STRA6: variants seen among roughly 807,000 people sequenced by gnomAD.
The protein encoded by STRA6 is signaling receptor and transporter of retinol STRA6.
Under a neutral mutation model 83.6 loss-of-function variants are expected in STRA6, and 48 were observed. The ratio of observed to expected loss-of-function variants is 0.57; its 90% CI spans 0.46 to 0.73. The LOEUF (loss-of-function observed/expected upper bound fraction) is 0.73, where lower values mean the gene tolerates loss of function less well. STRA6 is among the 30% of genes least tolerant of loss of function. STRA6 has a pLI of 0.00. For synonymous variants in STRA6, 353 were observed against 362.3 expected (o/e 0.97, Z 0.29); for missense variants, 760 against 838.8 (o/e 0.91, Z 1.16).
At chr15:74,195,084 T>C in intron 7 of STRA6, 2 of 1,458,370 alleles carry the variant, frequency 1.4e-6, no homozygotes, top group East Asian at 2.5e-5. Flanking sequence ...CTCCTAGACT[T>C]AAAGTTCCTG....
At chr15:74,194,925 C>T in intron 7 of STRA6, 1 of 1,423,930 alleles carries the variant, frequency 7.0e-7, no homozygotes, top group Non-Finnish European at 9.1e-7. Flanking sequence ...CCTGACTTCG[C>T]ACTTGCCGGC....
chr15:74,181,804 G>A (rs531947089), intron 16 of STRA6, among the ~76,000 whole-genome samples: 1 of 152,212 alleles, frequency 6.6e-6, no homozygotes, highest in African/African-American at 2.4e-5. Flanking sequence ...AAGTTCCCCT[G>A]GGAGCCAAGG....
Position 74,189,810 on chromosome 15 carries a change from C to T in STRA6, c.928-533G>A, listed in dbSNP as rs351232. ...TCCTGAGTAGCTGGGACTACAGGCC[C>T]GCGCCACCACCGCCAGCTAATTTTT... On this transcript the variant is annotated intron_variant, in intron 11 of 18. Transcript: ENST00000395105. Among the ~76,000 whole-genome samples, 721 of 151,816 alleles carry T rather than the reference C, an allele frequency of 4.7e-3. 12 individuals carry two copies. The highest frequency in any genetic ancestry group is 0.016 in the African/African-American group (664 of 41,376).
chr15:74,192,902 G>A (rs7177915), intron 8 of STRA6, among the ~76,000 whole-genome samples: 4,353 of 152,286 alleles, frequency 0.029, 190 homozygotes, highest in African/African-American at 0.098. Flanking sequence ...CACTGCAGGT[G>A]TTTTGTGCCG....
intron 16 of STRA6, 130 bp downstream of exon 16, chr15:74,182,031 T>C (rs2073018604): frequency 3.5e-6 from 3 of 851,838 alleles, no homozygotes; most frequent in South Asian, 2.8e-5. Context: ...AGGCAAGCTC[T>C]TTCTACTATC....
intron 4 of STRA6, among the ~76,000 whole-genome samples, chr15:74,196,890 A>G (rs368410875): frequency 7.2e-5 from 11 of 152,232 alleles, no homozygotes; most frequent in African/African-American, 2.7e-4. Context: ...CTGGAGTCAC[A>G]GGGCTGAAGG....
intron 13 of STRA6, among the ~76,000 whole-genome samples, chr15:74,184,448 C>T (rs1360103965): frequency 6.6e-6 from 1 of 152,180 alleles, no homozygotes; most frequent in Non-Finnish European, 1.5e-5. Context: ...CTCGGGCTGC[C>T]CCTTCCACCT....
In STRA6 at chr15:74,188,987, A is replaced by G; in HGVS notation, c.1090+128T>C. The G allele has an allele frequency of 8.6e-7, 1 of 1,168,678 alleles. No individual in the cohort carries two copies. Among genetic ancestry groups the G allele is most frequent in the Non-Finnish European group, 1.2e-6 (1 of 820,646 alleles). 72.4% of individuals were successfully genotyped at this position (1,168,678 alleles called of 1,614,324 possible). A position where few individuals can be genotyped will look rare whatever the true frequency, so the allele number is the denominator to read the frequency against. On this transcript the variant is annotated intron_variant, in intron 12 of 18. Transcript: ENST00000395105. The surrounding 1 kb of genome is among the most constrained non-coding windows in gnomAD (Gnocchi z 4.5). Reference sequence around the variant, plus strand: ...CCACAATTTGGAGATGAGGCAATCGAGACCCAGAGAGAGGAAGGAATGTGT... The same window carrying G: ...CCACAATTTGGAGATGAGGCAATCGGGACCCAGAGAGAGGAAGGAATGTGT...
chr15:74,194,053 C>A, intron 7 of STRA6, 131 bp from the exon 8 acceptor site: 1 of 1,448,690 alleles, frequency 6.9e-7, no homozygotes. Flanking sequence ...GGCTTCAGCT[C>A]TATGGTTCCC....
chr15:74,189,914 A>C (rs77640223), intron 11 of STRA6, among the ~76,000 whole-genome samples: 1 of 152,158 alleles, frequency 6.6e-6, no homozygotes, highest in Non-Finnish European at 1.5e-5. Flanking sequence ...CGCCCGCCTC[A>C]GCCTCCCAAA....
intron 13 of STRA6, 70 bp downstream of exon 13, chr15:74,184,910 C>T: frequency 1.3e-6 from 2 of 1,488,142 alleles, no homozygotes; most frequent in Non-Finnish European, 1.9e-6. Context: ...CCCAGGGCCT[C>T]CCCGCAGGCC....
At chr15:74,187,664 G>C (rs186213253) in intron 12 of STRA6, among the ~76,000 whole-genome samples, 4 of 152,090 alleles carry the variant, frequency 2.6e-5, no homozygotes, top group Admixed American at 6.5e-5. Context: ...CCCAGGTTGC[G>C]GGATGGCTTT....
chr15:74,195,763 C>T, intron 5 of STRA6, 88 bp from the exon 6 acceptor site: 1 of 901,200 alleles, frequency 1.1e-6, no homozygotes, highest in East Asian at 2.6e-5. Context: ...TGAGCAAATA[C>T]TCAATTTAAG....
chr15:74,184,112 G>A, intron 13 of STRA6, 123 bp from the exon 14 acceptor site: 1 of 1,432,252 alleles, frequency 7.0e-7, no homozygotes, highest in Non-Finnish European at 9.5e-7. Context: ...CAGCAGGGAA[G>A]CCCAGAACTG....
chr15:74,195,304 T>A lies in STRA6; in HGVS notation c.595A>T (p.Lys199Ter), dbSNP rs2073755599. The A allele has an allele frequency of 6.2e-7, 1 of 1,612,184 alleles. No homozygotes were observed. The highest frequency in any genetic ancestry group is 8.5e-7 in the Non-Finnish European group (1 of 1,179,874). The change falls in exon 7 of 19, where the codon AAG (lysine) becomes TAG (stop). Residue 199 changes from lysine (K) to a stop codon, truncating the protein, a stop_gained and splice_region_variant. Coordinates refer to ENST00000395105, the MANE Select transcript of STRA6 (RefSeq NM_022369.4). LOFTEE classifies it high-confidence loss of function. Reference protein sequence around the residue: ...WQRAECPQVPKIYKYYSLLAS... With the variant: ...WQRAECPQVP Reference sequence around the variant, plus strand: ...AGGCCATTGTGATCAGCGGTTACCTTGGGCACCTGGGGACACTCTGCCCTC... The same window carrying A: ...AGGCCATTGTGATCAGCGGTTACCTAGGGCACCTGGGGACACTCTGCCCTC...
chr15:74,183,863 G>T lies in STRA6; in HGVS notation c.1293C>A (p.Ile431=). ...CGGGCAAGGGAGGCTCACCAAGGCAGATAAAGGCTGTCTGGTAGGCACTGA... is the reference window on the plus strand; with the variant it reads ...CGGGCAAGGGAGGCTCACCAAGGCATATAAAGGCTGTCTGGTAGGCACTGA... ...MSFSAYQTAF[I]CLGLLVQQII... Residue 431 remains isoleucine, a synonymous_variant, in exon 14 of 19, where the codon ATC becomes ATA. Transcript: ENST00000395105. The T allele has an allele frequency of 6.2e-7, 1 of 1,614,044 alleles. No individual in the cohort carries two copies.
At chr15:74,201,353 A>C (rs1245767102) in intron 2 of STRA6, among the ~76,000 whole-genome samples, 1 of 152,054 alleles carries the variant, frequency 6.6e-6, no homozygotes, top group Non-Finnish European at 1.5e-5. Context: ...CAGAGCAGGG[A>C]GATAAGGGAT....
At chr15:74,209,470 C>T (rs1324315769), upstream of STRA6, 1 of 1,534,608 alleles carries the variant, frequency 6.5e-7, no homozygotes, top group Non-Finnish European at 8.7e-7. Flanking sequence ...TGCTGCCCAG[C>T]TGGGCTGAGG....
At chr15:74,203,342 G>T, upstream of STRA6, 1 of 344,030 alleles carries the variant, frequency 2.9e-6, no homozygotes, top group South Asian at 1.2e-4. Flanking sequence ...CTCCTGGAGT[G>T]AGGTTGAGGG....
Sources: allele counts gnomAD v4.1 joint callset (sites outside exome capture counted in the v4.1 genomes callset), GRCh38; gene constraint gnomAD v4.1.1; non-coding constraint Gnocchi (gnomAD v3.1); transcripts MANE v1.5; gene names NCBI Gene and HGNC (gene_info 2026-07-23, HGNC 2026-07-21).